The following GRID2 variants were observed in gnomAD, a reference collection of about 807,000 sequenced individuals.
GRID2 encodes glutamate ionotropic receptor delta type subunit 2.
In GRID2, 33 loss-of-function variants were observed where a neutral mutation model predicts 114.8. That is an observed-to-expected ratio of 0.29 (90% CI 0.22 to 0.38). The LOEUF (loss-of-function observed/expected upper bound fraction) is 0.38, where lower values mean the gene tolerates loss of function less well. GRID2 is among the 10% of genes least tolerant of loss of function. The pLI, the probability that GRID2 is intolerant of heterozygous loss-of-function variation, is 1.00. For synonymous variants in GRID2, 505 were observed against 449.9 expected (o/e 1.12, Z -1.55); for missense variants, 1,184 against 1,257.7 (o/e 0.94, Z 0.89).
intron 1 of GRID2, among the ~76,000 whole-genome samples, chr4:92,411,358 G>C (rs984449923): frequency 6.6e-6 from 1 of 151,946 alleles, no homozygotes; most frequent in African/African-American, 2.4e-5. Flanking sequence ...TAATGTTATA[G>C]ATTATGTGTC....
At chr4:93,510,249 C>T (rs572703691) in intron 12 of GRID2, among the ~76,000 whole-genome samples, 2 of 152,280 alleles carry the variant, frequency 1.3e-5, no homozygotes, top group South Asian at 2.1e-4. Flanking sequence ...AGCCAGCTGT[C>T]AGGCCACTCT....
intron 14 of GRID2, among the ~76,000 whole-genome samples, chr4:93,715,745 C>T (rs1328050739): frequency 1.3e-5 from 2 of 151,970 alleles, no homozygotes; most frequent in African/African-American, 2.4e-5. Flanking sequence ...CTGTTGCTGG[C>T]GTATAGGAAT....
chr4:93,307,663 A>C (rs374721316), intron 8 of GRID2, among the ~76,000 whole-genome samples: 4 of 152,180 alleles, frequency 2.6e-5, no homozygotes, highest in African/African-American at 9.7e-5. Context: ...TCTCAAAAGG[A>C]ACATAGTTTA....
Position 93,445,527 on chromosome 4 carries a change from G to A in GRID2, c.1546-10135G>A, listed in dbSNP as rs1036328488. 2.6e-5 allele frequency among the ~76,000 whole-genome samples: 4 copies of A among 151,768 alleles called. 1 individual carries two copies. In the East Asian group the frequency reaches 7.7e-4, roughly 29 times the overall value. On this transcript the variant is annotated intron_variant, in intron 10 of 15. Transcript: ENST00000282020. The stretch of plus-strand genomic sequence containing the variant: ...ATGGTAAACTTATTAGCCATTCTGT[G>A]GTATATAAAAGTTTCACTTTTATGT...
intron 2 of GRID2, among the ~76,000 whole-genome samples, chr4:93,034,708 A>T (rs985506157): frequency 1.3e-5 from 2 of 152,164 alleles, no homozygotes; most frequent in Non-Finnish European, 2.9e-5. Context: ...ATCAAGGCAC[A>T]TAACTCACTT....
intron 14 of GRID2, among the ~76,000 whole-genome samples, chr4:93,729,582 G>T (rs1429332113): frequency 1.3e-5 from 2 of 149,984 alleles, no homozygotes; most frequent in Non-Finnish European, 3.0e-5. Context: ...GTCTCACTTT[G>T]TTGCACAGGC....
In GRID2 at chr4:93,030,267, T is replaced by C. The variant is rs145577307; in HGVS notation, c.245-54728T>C. ...TCTTTCCTTTTCTCCCGCTCTCCTT[T>C]CTTTCCTTTCTGTCTTCCTAAAAGT... is the stretch of plus-strand genomic sequence containing the variant. On this transcript the variant is annotated intron_variant, in intron 2 of 15. Coordinates refer to ENST00000282020, the MANE Select transcript of GRID2 (RefSeq NM_001510.4). Among the ~76,000 whole-genome samples the C allele has an allele frequency of 6.9e-3, 1,049 of 152,310 alleles. 7 individuals carry two copies. Among genetic ancestry groups the C allele is most frequent in the Middle Eastern group, 0.017 (5 of 294 alleles).
intron 4 of GRID2, among the ~76,000 whole-genome samples, chr4:93,176,139 T>C (rs1169136116): frequency 1.3e-5 from 2 of 152,224 alleles, no homozygotes; most frequent in Non-Finnish European, 2.9e-5. Context: ...ATAATGGAAA[T>C]TGATTTTTTT....
rs72665273 is a variant in GRID2, at chr4:93,110,062, C to T, written c.530-686C>T. On this transcript the variant is annotated intron_variant, in intron 3 of 15. Coordinates refer to ENST00000282020, the MANE Select transcript of GRID2 (RefSeq NM_001510.4). ...AATCAAAAATGTTACTTAATATTTT[C>T]TAAAATGCTGAAATATGTTTTGAAA... Among the ~76,000 whole-genome samples, 950 of 152,158 alleles carry T rather than the reference C, an allele frequency of 6.2e-3. 8 individuals carry two copies. The highest frequency in any genetic ancestry group is 0.037 in the Middle Eastern group (11 of 294).
intron 8 of GRID2, among the ~76,000 whole-genome samples, chr4:93,344,845 G>T (rs1445442811): frequency 6.6e-6 from 1 of 151,734 alleles, no homozygotes; most frequent in African/African-American, 2.4e-5. Context: ...ATATCTTTTA[G>T]ATTCCACATA....
chr4:93,636,085 T>C (rs1721388110), intron 14 of GRID2, among the ~76,000 whole-genome samples: 1 of 152,088 alleles, frequency 6.6e-6, no homozygotes, highest in Non-Finnish European at 1.5e-5. Context: ...GATGCAACAG[T>C]ACCCTTAATG....
At chr4:92,488,744 G>A (rs1294928107) in intron 1 of GRID2, among the ~76,000 whole-genome samples, 1 of 152,092 alleles carries the variant, frequency 6.6e-6, no homozygotes, top group African/African-American at 2.4e-5. Flanking sequence ...ATCATCTGGG[G>A]CTCAGGACTC....
intron 2 of GRID2, among the ~76,000 whole-genome samples, chr4:93,040,920 C>T (rs1210149378): frequency 6.6e-6 from 1 of 151,992 alleles, no homozygotes; most frequent in African/African-American, 2.4e-5. Flanking sequence ...TGGTTAAGTT[C>T]ATTAGGGTTT....
intron 13 of GRID2, among the ~76,000 whole-genome samples, chr4:93,559,531 A>G (rs748171720): frequency 2.6e-4 from 39 of 152,230 alleles, no homozygotes; most frequent in Non-Finnish European, 5.7e-4. Flanking sequence ...ACAATGAGAT[A>G]CCATCTCATG....
chr4:93,566,668 G>A (rs554421941), intron 13 of GRID2, among the ~76,000 whole-genome samples: 10 of 152,054 alleles, frequency 6.6e-5, no homozygotes, highest in African/African-American at 2.4e-4. Context: ...TACTTGGGAG[G>A]CTGAGGTATG....
chr4:93,651,365 A>G (rs10516936), intron 14 of GRID2, among the ~76,000 whole-genome samples: 18,622 of 152,204 alleles, frequency 0.12, 1,198 homozygotes, highest in Middle Eastern at 0.14. Flanking sequence ...GCTAAATTTC[A>G]TAGGAAGAGC....
intron 14 of GRID2, among the ~76,000 whole-genome samples, chr4:93,702,993 T>A (rs1052866623): frequency 8.6e-5 from 13 of 151,492 alleles, no homozygotes; most frequent in Non-Finnish European, 1.5e-4. Context: ...GGAGGTGATA[T>A]TTGAGCAAAT....
rs147343518 is a variant in GRID2 at position 93,511,696 on chromosome 4, A to G, written c.1998-3520A>G. Among the ~76,000 whole-genome samples, 609 of 152,126 alleles carry G rather than the reference A, an allele frequency of 4.0e-3. 3 individuals are homozygous for G. The highest frequency in any genetic ancestry group is 0.014 in the African/African-American group (567 of 41,492). ...GATATGTGGTTAGGTAGAGAAACAG[A>G]GTATACTATGAGTTATACATACTAA... On this transcript the variant is annotated intron_variant, in intron 12 of 15. Coordinates refer to ENST00000282020, the MANE Select transcript of GRID2 (RefSeq NM_001510.4).
At chr4:93,695,623 A>C (rs1364588562) in intron 14 of GRID2, among the ~76,000 whole-genome samples, 1 of 152,146 alleles carries the variant, frequency 6.6e-6, no homozygotes, top group African/African-American at 2.4e-5. Context: ...AAAATCACCA[A>C]CACCTTGTCA....
Sources: allele counts gnomAD v4.1 joint callset (sites outside exome capture counted in the v4.1 genomes callset), GRCh38; gene constraint gnomAD v4.1.1; transcripts MANE v1.5; gene names NCBI Gene and HGNC (gene_info 2026-07-23, HGNC 2026-07-21).